Variants in TSPAN5 observed in about 807,000 individuals in gnomAD.
TSPAN5 encodes tetraspanin-5.
A neutral mutation model predicts 37.1 loss-of-function variants in TSPAN5; 10 were observed. The observed-to-expected ratio is 0.27, with a 90% confidence interval of 0.17 to 0.46. TSPAN5 has a LOEUF of 0.46. TSPAN5 is among the 20% of genes least tolerant of loss of function. The pLI is 1.00. For missense variants in TSPAN5, 195 were observed against 326.6 expected (o/e 0.60, Z 3.11); for synonymous variants, 110 against 118.9 (o/e 0.93, Z 0.48).
intron 1 of TSPAN5, among the ~76,000 whole-genome samples, chr4:98,605,535 T>C (rs536685512): frequency 2.6e-5 from 4 of 152,302 alleles, no homozygotes; most frequent in African/African-American, 9.6e-5. Context: ...ACCCAAAGAA[T>C]GTCCAAAAGA....
At chr4:98,514,689 C>A (rs765248856) in intron 1 of TSPAN5, among the ~76,000 whole-genome samples, 6 of 152,182 alleles carry the variant, frequency 3.9e-5, no homozygotes, top group Non-Finnish European at 7.3e-5. Context: ...CCTGCTGAAC[C>A]CTGACTCCAG....
At position 98,472,202 on chromosome 4, in the gene TSPAN5, T is replaced by C. The variant is rs1322816133; in HGVS notation, c.*320A>G. 7.3e-5 allele frequency: 17 copies of C among 233,134 alleles called. No individual in the cohort carries two copies. Among genetic ancestry groups the C allele is most frequent in the Non-Finnish European group, 9.9e-5 (12 of 120,870 alleles). The allele number at this position is 233,134 out of a possible 1,614,324, so 14.4% of individuals were successfully genotyped here. A position where few individuals can be genotyped will look rare whatever the true frequency, so the allele number is the denominator to read the frequency against. ...CAATTACGGAAGATGAGGACAAGAA[T>C]GTATTTTCTGCACATTCAAGTACAT... On this transcript the variant is annotated 3_prime_UTR_variant, in exon 8 of 8. Coordinates refer to ENST00000305798, the MANE Select transcript of TSPAN5 (RefSeq NM_005723.4).
chr4:98,616,763 G>T (rs1357647967), intron 1 of TSPAN5, among the ~76,000 whole-genome samples: 1 of 152,042 alleles, frequency 6.6e-6, no homozygotes, highest in Non-Finnish European at 1.5e-5. Context: ...AATGGGACAA[G>T]ATCATTTACG....
intron 1 of TSPAN5, among the ~76,000 whole-genome samples, chr4:98,584,474 T>C (rs1179728383): frequency 6.6e-6 from 1 of 152,168 alleles, no homozygotes; most frequent in Non-Finnish European, 1.5e-5. Flanking sequence ...AGCAAACAAA[T>C]ACACTGTCAG....
Position 98,628,158 on chromosome 4 carries a change from C to T in TSPAN5, c.81+29988G>A, listed in dbSNP as rs112676378. On this transcript the variant is annotated intron_variant, in intron 1 of 7. Coordinates refer to ENST00000305798, the MANE Select transcript of TSPAN5 (RefSeq NM_005723.4). The stretch of plus-strand genomic sequence containing the variant: ...CCCATTTTAAACACAAAAGTACAAA[C>T]GTAAATACAGCAAGTGATTGTTCAC... 6.8e-4 allele frequency among the ~76,000 whole-genome samples: 104 copies of T among 152,206 alleles called. 1 individual carries two copies. The South Asian group carries it at 0.021, about 30-fold the overall frequency.
At chr4:98,600,578 C>T (rs776338505) in intron 1 of TSPAN5, among the ~76,000 whole-genome samples, 3 of 152,222 alleles carry the variant, frequency 2.0e-5, no homozygotes, top group Admixed American at 1.3e-4. Flanking sequence ...AACTCCTCAT[C>T]CATTCAAGTT....
At chr4:98,563,340 C>T (rs1754919490) in intron 1 of TSPAN5, among the ~76,000 whole-genome samples, 1 of 152,134 alleles carries the variant, frequency 6.6e-6, no homozygotes, top group Non-Finnish European at 1.5e-5. Flanking sequence ...TATAAAAAAT[C>T]TTACATCCTC....
intron 1 of TSPAN5, among the ~76,000 whole-genome samples, chr4:98,623,452 A>G (rs143167190): frequency 1.3e-5 from 2 of 152,370 alleles, no homozygotes; most frequent in South Asian, 2.1e-4. Context: ...TGAGAATCCT[A>G]TGAATAAACC....
At chr4:98,602,304 A>C (rs1235785452) in intron 1 of TSPAN5, among the ~76,000 whole-genome samples, 2 of 152,256 alleles carry the variant, frequency 1.3e-5, no homozygotes, top group Non-Finnish European at 1.5e-5. Flanking sequence ...GAAGCACAAT[A>C]AAACAAAGCA....
At chr4:98,584,555 T>C (rs1287977134) in intron 1 of TSPAN5, among the ~76,000 whole-genome samples, 1 of 152,188 alleles carries the variant, frequency 6.6e-6, no homozygotes, top group African/African-American at 2.4e-5. Flanking sequence ...GCAAAGATAT[T>C]ACACACCATC....
chr4:98,632,924 T>C (rs1756779559), intron 1 of TSPAN5, among the ~76,000 whole-genome samples: 1 of 152,070 alleles, frequency 6.6e-6, no homozygotes, highest in Non-Finnish European at 1.5e-5. Context: ...ACTCATAGCA[T>C]GAGGTGTCGT....
At chr4:98,615,836 C>A (rs769235759) in intron 1 of TSPAN5, among the ~76,000 whole-genome samples, 4 of 152,150 alleles carry the variant, frequency 2.6e-5, no homozygotes, top group Non-Finnish European at 5.9e-5. Context: ...GTGTGTCACA[C>A]TTACAATGAG....
intron 1 of TSPAN5, among the ~76,000 whole-genome samples, chr4:98,624,659 C>T (rs1756554468): frequency 6.6e-6 from 1 of 152,140 alleles, no homozygotes; most frequent in Non-Finnish European, 1.5e-5. Context: ...ATGTCCCTGT[C>T]CCTAGTTCAG....
At chr4:98,473,711 G>T (rs1216959450) in intron 7 of TSPAN5, among the ~76,000 whole-genome samples, 5 of 152,126 alleles carry the variant, frequency 3.3e-5, no homozygotes, top group Admixed American at 1.3e-4. Flanking sequence ...CACCCGCCTC[G>T]GCCTTTATTA....
intron 2 of TSPAN5, among the ~76,000 whole-genome samples, chr4:98,502,495 G>A (rs1018761775): frequency 2.6e-5 from 4 of 152,262 alleles, no homozygotes; most frequent in African/African-American, 9.6e-5. Context: ...AACGTTTCTC[G>A]AATTGAGGAG....
intron 2 of TSPAN5, among the ~76,000 whole-genome samples, chr4:98,490,845 G>A (rs558542694): frequency 4.7e-4 from 71 of 152,136 alleles, no homozygotes; most frequent in Non-Finnish European, 8.4e-4. Flanking sequence ...CAGATCACGA[G>A]GTCAGGAAAT....
chr4:98,530,394 C>G (rs959089826), intron 1 of TSPAN5, among the ~76,000 whole-genome samples: 1 of 152,206 alleles, frequency 6.6e-6, no homozygotes, highest in Non-Finnish European at 1.5e-5. Flanking sequence ...ATATCCCCAT[C>G]ATACAAATGA....
At chr4:98,560,731 C>A (rs892297697) in intron 1 of TSPAN5, among the ~76,000 whole-genome samples, 5 of 152,084 alleles carry the variant, frequency 3.3e-5, no homozygotes, top group Admixed American at 1.3e-4. Context: ...CAGGGGAGCA[C>A]AATAAACTAA....
In TSPAN5 at chr4:98,636,144, G is replaced by A. The variant is rs1040958325; in HGVS notation, c.81+22002C>T. Among the ~76,000 whole-genome samples, 7 of 152,302 alleles carry A rather than the reference G, an allele frequency of 4.6e-5. No homozygotes were observed. In the Middle Eastern group the frequency reaches 0.014, roughly 296 times the overall value. On this transcript the variant is annotated intron_variant, in intron 1 of 7. Transcript: ENST00000305798. Reference sequence around the variant, plus strand: ...AATATCATTTAAAGCAGAGGTAAGCGCAAAGCTACAGAGTCAAGAAATGTA... The same window carrying A: ...AATATCATTTAAAGCAGAGGTAAGCACAAAGCTACAGAGTCAAGAAATGTA...
Sources: allele counts gnomAD v4.1 joint callset (sites outside exome capture counted in the v4.1 genomes callset), GRCh38; gene constraint gnomAD v4.1.1; transcripts MANE v1.5; gene names NCBI Gene and HGNC (gene_info 2026-07-23, HGNC 2026-07-21).